Variants in MDM4 observed in about 807,000 individuals in gnomAD.
MDM4 encodes the protein protein Mdm4.
Under a neutral mutation model 60.2 loss-of-function variants are expected in MDM4, and 2 were observed. The observed-to-expected ratio is 0.03, with a 90% confidence interval of 0.01 to 0.10. The LOEUF (loss-of-function observed/expected upper bound fraction) is 0.10. MDM4 is among the 10% of genes least tolerant of loss of function. The pLI, the probability that MDM4 is intolerant of heterozygous loss-of-function variation, is 1.00. For missense variants in MDM4, 447 were observed against 577.5 expected (o/e 0.77, Z 2.32); for synonymous variants, 202 against 198.1 (o/e 1.02, Z -0.17).
At position 204,549,822 on chromosome 1, in the gene MDM4, C is replaced by T; in HGVS notation, c.*140C>T. The T allele has an allele frequency of 1.8e-6, 1 of 569,886 alleles. No homozygotes were observed. Among genetic ancestry groups the T allele is most frequent in the Admixed American group, 3.6e-5 (1 of 27,528 alleles). The allele number at this position is 569,886 out of a possible 1,614,324, so 35.3% of individuals were successfully genotyped here. On this transcript the variant is annotated 3_prime_UTR_variant, in exon 11 of 11. Transcript: ENST00000367182. ...ATCCAAGGTAGCTGTAAGAAAAATACTGGAGCTAACAATGAAGAACAGAAG... is the reference window on the plus strand; with the variant it reads ...ATCCAAGGTAGCTGTAAGAAAAATATTGGAGCTAACAATGAAGAACAGAAG...
chr1:204,555,970 A>G lies in MDM4; in HGVS notation c.*6288A>G, dbSNP rs1663511567. 1 of 206,708 alleles carries G rather than the reference A, an allele frequency of 4.8e-6. No individual in the cohort carries two copies. The highest frequency in any genetic ancestry group is 2.3e-5 in the African/African-American group (1 of 43,818). The allele number at this position is 206,708 out of a possible 1,614,324, so 12.8% of individuals were successfully genotyped here. The stretch of plus-strand genomic sequence containing the variant: ...TAAGTACTGATGTCAACAGACAAAT[A>G]TTTCTGATCAGATAGTCCCCTGTCA... On this transcript the variant is annotated 3_prime_UTR_variant, in exon 11 of 11. Coordinates refer to ENST00000367182, the MANE Select transcript of MDM4 (RefSeq NM_002393.5).
chr1:204,532,034 T>A (rs754014972), intron 4 of MDM4, among the ~76,000 whole-genome samples, 157 bp from the exon 5 acceptor site: 5 of 152,204 alleles, frequency 3.3e-5, no homozygotes, highest in Non-Finnish European at 7.3e-5. Context: ...ATTTAAATAA[T>A]TAAAAACTGT....
At chr1:204,525,362 G>C (rs1660021287) in intron 1 of MDM4, 122 bp from the exon 2 acceptor site, 2 of 1,410,726 alleles carry the variant, frequency 1.4e-6, no homozygotes, top group Non-Finnish European at 1.8e-6. Flanking sequence ...CAGCATTTGT[G>C]TACGGTGCTC....
chr1:204,542,898 A>C lies in MDM4; in HGVS notation c.626A>C (p.Asn209Thr). 6.2e-7 allele frequency: 1 copy of C among 1,614,088 alleles called. No homozygotes were observed. ...TGGTTTTTAGGAAACTTGAGAAGCA[A>C]CTATACACCTAGAAGTAATGGCTCA... ...PWWFLGNLRSNYTPRSNGSTD... is the reference protein window; with the variant it reads ...PWWFLGNLRSTYTPRSNGSTD... The change falls in exon 8 of 11, where the codon AAC (asparagine) becomes ACC (threonine). Residue 209 changes from asparagine (N) to threonine (T), a missense_variant. Physicochemically the swap from Asn to Thr is moderately conservative, Grantham distance 65. Coordinates refer to ENST00000367182, the MANE Select transcript of MDM4 (RefSeq NM_002393.5).
intron 3 of MDM4, 40 bp from the exon 4 acceptor site, chr1:204,530,644 C>T (rs2102351195): frequency 6.2e-7 from 1 of 1,612,564 alleles, no homozygotes; most frequent in Non-Finnish European, 8.5e-7. Flanking sequence ...TTTTTGGTAG[C>T]AGCTGGACAG....
intron 3 of MDM4, chr1:204,529,287 C>A: frequency 2.7e-6 from 2 of 749,490 alleles, no homozygotes; most frequent in Non-Finnish European, 4.9e-6. Flanking sequence ...GCTTCACCTC[C>A]TTCATGGAGA....
intron 1 of MDM4, among the ~76,000 whole-genome samples, chr1:204,517,296 A>G (rs767057826): frequency 2.0e-5 from 3 of 152,064 alleles, no homozygotes; most frequent in Non-Finnish European, 4.4e-5. Context: ...ACCTACAGAC[A>G]GTATCGAGAT....
intron 7 of MDM4, among the ~76,000 whole-genome samples, chr1:204,541,680 A>G (rs373205307): frequency 3.9e-5 from 6 of 152,352 alleles, no homozygotes; most frequent in African/African-American, 1.4e-4. Flanking sequence ...GTAGGGAAGA[A>G]TAACTTTAAT....
chr1:204,537,952 T>G (rs1432433810), intron 6 of MDM4: 1 of 723,354 alleles, frequency 1.4e-6, no homozygotes, highest in South Asian at 1.4e-5. Flanking sequence ...TTTATACAGA[T>G]AGCCTGTTTT....
At chr1:204,537,539 G>A (rs1206381166) in intron 6 of MDM4, 42 bp downstream of exon 6, 3 of 1,425,840 alleles carry the variant, frequency 2.1e-6, no homozygotes, top group Admixed American at 1.7e-5. Flanking sequence ...GTACAGAGTG[G>A]CCCCTTCTCT....
At chr1:204,537,265 A>G (rs1270771496) in intron 5 of MDM4, among the ~76,000 whole-genome samples, 165 bp from the exon 6 acceptor site, 1 of 151,840 alleles carries the variant, frequency 6.6e-6, no homozygotes, top group African/African-American at 2.4e-5. Flanking sequence ...CATTTTTATC[A>G]ATTTTGATTT....
chr1:204,549,713 C>T lies in MDM4; in HGVS notation c.*31C>T. 8.2e-7 allele frequency: 1 copy of T among 1,220,438 alleles called. No individual in the cohort carries two copies. The highest frequency in any genetic ancestry group is 1.1e-6 in the Non-Finnish European group (1 of 873,148). 75.6% of individuals were successfully genotyped at this position (1,220,438 alleles called of 1,614,324 possible). A position where few individuals can be genotyped will look rare whatever the true frequency, so the allele number is the denominator to read the frequency against. ...GTACGAACATAAAAATGCATTTATT[C>T]CGTTCACTTACCACATTATTTGAAA... On this transcript the variant is annotated 3_prime_UTR_variant, in exon 11 of 11. Transcript: ENST00000367182.
intron 1 of MDM4, among the ~76,000 whole-genome samples, chr1:204,519,056 A>G (rs1659284574): frequency 6.6e-6 from 1 of 152,146 alleles, no homozygotes; most frequent in Non-Finnish European, 1.5e-5. Context: ...CAGTGCTCCA[A>G]ATGAAGGGAC....
rs943946309 is a variant in MDM4, at chr1:204,552,061, C to T, written c.*2379C>T. ...CAACACTTTGGGAGATCACCTAGGT[C>T]GGGAGTTTGAGACCAGCCTGACCGA... On this transcript the variant is annotated 3_prime_UTR_variant, in exon 11 of 11. Transcript: ENST00000367182. 4 of 166,452 alleles carry T rather than the reference C, an allele frequency of 2.4e-5. No individual in the cohort carries two copies. Among genetic ancestry groups the T allele is most frequent in the East Asian group, 2.3e-4 (2 of 8,560 alleles). 10.3% of individuals were successfully genotyped at this position (166,452 alleles called of 1,614,324 possible).
intron 6 of MDM4, chr1:204,537,779 A>G: frequency 3.3e-6 from 2 of 598,666 alleles, no homozygotes; most frequent in Non-Finnish European, 6.1e-6. Context: ...GTGTTTGAGG[A>G]TATTGCTTTA....
At position 204,555,108 on chromosome 1, in the gene MDM4, T is replaced by C; in HGVS notation, c.*5426T>C. The C allele has an allele frequency of 5.0e-6, 1 of 201,364 alleles. No homozygotes were observed. Among genetic ancestry groups the C allele is most frequent in the South Asian group, 1.9e-4 (1 of 5,252 alleles). The allele number at this position is 201,364 out of a possible 1,614,324, so 12.5% of individuals were successfully genotyped here. On this transcript the variant is annotated 3_prime_UTR_variant, in exon 11 of 11. Transcript: ENST00000367182. ...CAGGTTGTTTTCCTTCTTACGATCC[T>C]CATTGAATCCCCTCTGGGAGCACAG... is the stretch of plus-strand genomic sequence containing the variant.
chr1:204,518,962 T>C (rs1381598423), intron 1 of MDM4, among the ~76,000 whole-genome samples: 1 of 152,188 alleles, frequency 6.6e-6, no homozygotes, highest in Non-Finnish European at 1.5e-5. Flanking sequence ...GCTTCTGGCC[T>C]GGAATCTCGT....
intron 9 of MDM4, 129 bp downstream of exon 9, chr1:204,544,813 C>A: frequency 1.1e-6 from 1 of 895,754 alleles, no homozygotes; most frequent in Non-Finnish European, 1.6e-6. Flanking sequence ...ATTAATTTTT[C>A]AATCCAATTT....
At position 204,538,236 on chromosome 1, in the gene MDM4, A is replaced by C. The variant is rs1317149366; in HGVS notation, c.439A>C (p.Arg147=). The C allele has an allele frequency of 6.2e-7, 1 of 1,610,482 alleles. No individual in the cohort carries two copies. Among genetic ancestry groups the C allele is most frequent in the Non-Finnish European group, 8.5e-7 (1 of 1,176,766 alleles). The change falls in exon 7 of 11, where the codon AGA becomes CGA. Residue 147 remains arginine, a synonymous_variant. Coordinates refer to ENST00000367182, the MANE Select transcript of MDM4 (RefSeq NM_002393.5). ...KQSAEESSTS[R]KRTTEDDIPT... ...AAGTGCAGAGGAAAGTTCCACTTCCAGAAAAAGAACTACAGAAGACGATAT... is the reference window on the plus strand; with the variant it reads ...AAGTGCAGAGGAAAGTTCCACTTCCCGAAAAAGAACTACAGAAGACGATAT...
Sources: allele counts gnomAD v4.1 joint callset (sites outside exome capture counted in the v4.1 genomes callset), GRCh38; gene constraint gnomAD v4.1.1; transcripts MANE v1.5; gene names NCBI Gene and HGNC (gene_info 2026-07-23, HGNC 2026-07-21).